Variants in CNIH3 observed in about 807,000 individuals in gnomAD.
CNIH3 encodes protein cornichon homolog 3.
A neutral mutation model predicts 24.1 loss-of-function variants in CNIH3; 14 were observed. The observed-to-expected ratio is 0.58, with a 90% CI of 0.38 to 0.91. The LOEUF (loss-of-function observed/expected upper bound fraction) is 0.91, where lower values mean the gene tolerates loss of function less well. Ranked by LOEUF, CNIH3 falls within the 40% of genes least tolerant of loss-of-function variation. The pLI is 0.00. For missense variants in CNIH3, 178 were observed against 196.8 expected, an observed-to-expected ratio of 0.90 and a Z score of 0.57; for synonymous variants, 68 against 73.8, an observed-to-expected ratio of 0.92 and a Z score of 0.40.
intron 3 of CNIH3, chr1:224,565,651 T>A (rs41271539): frequency 0.044 from 6,712 of 152,438 alleles, 228 homozygotes; most frequent in East Asian, 0.14. Context: ...TCAGGCCAAC[T>A]GGTCTTACTC....
intron 1 of CNIH3, among the ~76,000 whole-genome samples, chr1:224,467,876 A>T (rs1572302443): frequency 6.6e-6 from 1 of 150,530 alleles, no homozygotes; most frequent in African/African-American, 2.4e-5. Context: ...TGTAAAAGGT[A>T]TGAGGCTCTT....
At chr1:224,578,503 T>A (rs1043827341) in intron 4 of CNIH3, among the ~76,000 whole-genome samples, 13 of 152,190 alleles carry the variant, frequency 8.5e-5, no homozygotes, top group African/African-American at 2.9e-4. Context: ...TTGTTTTTGA[T>A]CCCCTGTATT....
intron 5 of CNIH3, among the ~76,000 whole-genome samples, chr1:224,585,369 C>T (rs1000852149): frequency 1.4e-4 from 21 of 152,176 alleles, no homozygotes; most frequent in African/African-American, 4.1e-4. Context: ...ACTAAAGATG[C>T]GTAGGACATA....
intron 5 of CNIH3, among the ~76,000 whole-genome samples, chr1:224,735,999 A>G (rs1432689797): frequency 6.6e-6 from 1 of 152,132 alleles, no homozygotes; most frequent in Non-Finnish European, 1.5e-5. Flanking sequence ...TTATAAGATA[A>G]ATACTATCCT....
chr1:224,555,047 A>T (rs1447868192), intron 3 of CNIH3, among the ~76,000 whole-genome samples: 1 of 152,124 alleles, frequency 6.6e-6, no homozygotes, highest in African/African-American at 2.4e-5. Context: ...TGTTGGGGGT[A>T]GTAGGGGAGG....
At chr1:224,571,273 T>C (rs1436844881) in intron 4 of CNIH3, among the ~76,000 whole-genome samples, 1 of 152,216 alleles carries the variant, frequency 6.6e-6, no homozygotes, top group Admixed American at 6.5e-5. Flanking sequence ...GTGGCCCTAA[T>C]GCAAGATTGT....
At chr1:224,562,746 T>C (rs185591913) in intron 3 of CNIH3, among the ~76,000 whole-genome samples, 1 of 152,176 alleles carries the variant, frequency 6.6e-6, no homozygotes, top group African/African-American at 2.4e-5. Context: ...ACTGTCTCTC[T>C]CTTGCCCCGT....
intron 1 of CNIH3, among the ~76,000 whole-genome samples, chr1:224,652,098 A>G (rs1436939235): frequency 6.6e-6 from 1 of 151,992 alleles, no homozygotes; most frequent in East Asian, 1.9e-4. Context: ...GACCTGTTGG[A>G]TATTCTTGCA....
At chr1:224,544,695 A>C (rs1679637802) in intron 2 of CNIH3, among the ~76,000 whole-genome samples, 1 of 152,168 alleles carries the variant, frequency 6.6e-6, no homozygotes, top group Admixed American at 6.5e-5. Flanking sequence ...GCTGCTGCTG[A>C]TGGAACTTGA....
intron 2 of CNIH3, among the ~76,000 whole-genome samples, chr1:224,521,921 G>A (rs921788846): frequency 6.6e-6 from 1 of 152,224 alleles, no homozygotes; most frequent in Non-Finnish European, 1.5e-5. Flanking sequence ...TAGCAATGGA[G>A]TGTTACAAGT....
At chr1:224,736,745 G>A (rs764367074) in intron 5 of CNIH3, among the ~76,000 whole-genome samples, 1 of 152,166 alleles carries the variant, frequency 6.6e-6, no homozygotes, top group Admixed American at 6.5e-5. Flanking sequence ...TGAAGCCTCC[G>A]GAGATTTCTA....
chr1:224,548,491 A>G (rs1045226860), intron 3 of CNIH3, among the ~76,000 whole-genome samples: 9 of 151,670 alleles, frequency 5.9e-5, no homozygotes, highest in African/African-American at 2.2e-4. Context: ...GTGGGTATAT[A>G]CCCTCTGATA....
chr1:224,730,742 C>T (rs1404091827), intron 4 of CNIH3, 168 bp downstream of exon 4: 1 of 550,420 alleles, frequency 1.8e-6, no homozygotes, highest in Non-Finnish European at 3.3e-6. Context: ...GGCAACAAGT[C>T]CAATAAGGAA....
In CNIH3 at chr1:224,602,939, TAG is replaced by T. The variant is rs1413697304; in HGVS notation, n.402+36678_402+36679del. On this transcript the variant is annotated intron_variant and non_coding_transcript_variant, in intron 3 of 7. Transcript: ENST00000478120. ...TATCTGAGACAGGTCTCAATAAATT[TAG>T]AGTTTATTTAGCCAAGGTTAAGGAC... 3.9e-5 allele frequency among the ~76,000 whole-genome samples: 6 copies of T among 152,266 alleles called. No homozygotes were observed. The East Asian group carries it at 1.2e-3, about 29-fold the overall frequency.
At chr1:224,613,367 G>A (rs951263909), upstream of CNIH3, among the ~76,000 whole-genome samples, 2 of 152,156 alleles carry the variant, frequency 1.3e-5, no homozygotes, top group East Asian at 3.8e-4. Flanking sequence ...AGCAACATAG[G>A]GTATAACCCA....
chr1:224,546,762 G>A (rs928914374), intron 2 of CNIH3: 2 of 313,268 alleles, frequency 6.4e-6, no homozygotes, highest in Non-Finnish European at 9.3e-6. Context: ...GAAACTCTAA[G>A]GTCAGCAGAG....
In CNIH3 at chr1:224,616,345, C is replaced by T. The variant is rs1682980835; in HGVS notation, c.-830C>T. ...GTGGCAAAGGCGGCGGCGGCGGCGG[C>T]GGCAGCGGCAGCAGCAGGTGGAGCG... On this transcript the variant is annotated 5_prime_UTR_variant, in exon 1 of 6. Coordinates refer to ENST00000272133, the MANE Select transcript of CNIH3 (RefSeq NM_152495.2). 1.9e-6 allele frequency: 1 copy of T among 513,452 alleles called. No homozygotes were observed. Among genetic ancestry groups the T allele is most frequent in the Non-Finnish European group, 2.7e-6 (1 of 376,690 alleles). The allele number at this position is 513,452 out of a possible 1,614,324, so 31.8% of individuals were successfully genotyped here.
At chr1:224,445,588 A>AAAG (rs1675126553) in intron 1 of CNIH3, among the ~76,000 whole-genome samples, 1 of 148,892 alleles carries the variant, frequency 6.7e-6, no homozygotes, top group Non-Finnish European at 1.5e-5. Context: ...AAAAAAAAAA[A>AAAG]AAAAAAAAGA....
chr1:224,651,302 G>A (rs189837294), intron 1 of CNIH3, among the ~76,000 whole-genome samples: 23 of 152,332 alleles, frequency 1.5e-4, no homozygotes, highest in Admixed American at 8.5e-4. Flanking sequence ...AGGAAACTAC[G>A]TAGTGGTCAC....
Sources: allele counts gnomAD v4.1 joint callset (sites outside exome capture counted in the v4.1 genomes callset), GRCh38; gene constraint gnomAD v4.1.1; transcripts MANE v1.5; gene names NCBI Gene and HGNC (gene_info 2026-07-23, HGNC 2026-07-21).